The following ATXN2 variants were observed in gnomAD, a reference collection of about 807,000 sequenced individuals.
ATXN2 encodes ataxin-2.
A neutral mutation model predicts 138.6 loss-of-function variants in ATXN2; 37 were observed. That is an observed-to-expected ratio of 0.27 (90% confidence interval 0.21 to 0.35). The LOEUF is 0.35. ATXN2 is among the 10% of genes least tolerant of loss of function. The pLI is 1.00. For synonymous variants in ATXN2, 549 were observed against 543.7 expected (o/e 1.01, Z -0.13); for missense variants, 1,216 against 1,480.3 (o/e 0.82, Z 2.93).
At chr12:111,515,506 G>A (rs1879802554) in intron 10 of ATXN2, among the ~76,000 whole-genome samples, 1 of 152,084 alleles carries the variant, frequency 6.6e-6, no homozygotes, top group Non-Finnish European at 1.5e-5. Context: ...GAAAGAAATA[G>A]CTAAATATTC....
Position 111,456,180 on chromosome 12 carries a change from A to G in ATXN2, c.3119T>C (p.Leu1040Pro), listed in dbSNP as rs757482228. 1.1e-4 allele frequency: 170 copies of G among 1,614,118 alleles called. No individual in the cohort carries two copies. Among genetic ancestry groups the G allele is most frequent in the Non-Finnish European group, 1.4e-4 (165 of 1,180,052 alleles). The change falls in exon 23 of 25, where the codon CTT becomes CCT. Residue 1040 changes from leucine to proline, a missense_variant. Physicochemically the swap from Leu to Pro is moderately conservative, Grantham distance 98 (BLOSUM62 -3). Coordinates refer to ENST00000673436, the MANE Select transcript of ATXN2 (RefSeq NM_001372574.1). ...TGTCATGGAGGGTGGAGTTGGCGCAAGCCCCGCGTGGTAAATGGCTGACTG... is the reference window on the plus strand; with the variant it reads ...TGTCATGGAGGGTGGAGTTGGCGCAGGCCCCGCGTGGTAAATGGCTGACTG... The part of the protein sequence containing the change: ...QQQSAIYHAG[L>P]APTPPSMTPA...
chr12:111,457,975 C>G (rs1408719184), intron 21 of ATXN2: 1 of 152,228 alleles, frequency 6.6e-6, no homozygotes, highest in Non-Finnish European at 1.5e-5. Flanking sequence ...AGTAAACTCC[C>G]TTCTGAGTGC....
At chr12:111,543,602 T>A (rs1881650388) in intron 5 of ATXN2, among the ~76,000 whole-genome samples, 1 of 152,134 alleles carries the variant, frequency 6.6e-6, no homozygotes, top group Non-Finnish European at 1.5e-5. Context: ...CCAGGCTAAT[T>A]TTTTTTGTAA....
At chr12:111,585,858 T>C (rs1251618305) in intron 1 of ATXN2, among the ~76,000 whole-genome samples, 2 of 141,214 alleles carry the variant, frequency 1.4e-5, no homozygotes, top group Non-Finnish European at 3.1e-5. Context: ...CTTGTTGAGC[T>C]CTTGTGTCTG....
Position 111,510,444 on chromosome 12 carries a change from G to T in ATXN2, c.1697C>A (p.Ala566Asp). 1 of 1,614,186 alleles carries T rather than the reference G, an allele frequency of 6.2e-7. No homozygotes were observed. The highest frequency in any genetic ancestry group is 8.5e-7 in the Non-Finnish European group (1 of 1,180,038). Residue 566 changes from alanine (A) to aspartate (D), a missense_variant, in exon 12 of 25, where the codon GCT becomes GAT. Ala to Asp is a moderately radical substitution (Grantham distance 126, BLOSUM62 -2). Coordinates refer to ENST00000673436, the MANE Select transcript of ATXN2 (RefSeq NM_001372574.1). ...PTEAVAMPIP[A>D]ASPTPASPAS... is the part of the protein sequence containing the mutation. The stretch of plus-strand genomic sequence containing the variant: ...AGGACTAGCAGGCGTAGGAGATGCA[G>T]CTGGAATAGGCATGGCAACAGCTTC...
At chr12:111,470,411 G>A (rs991233704) in intron 19 of ATXN2, 147 bp downstream of exon 19, 21 of 1,143,714 alleles carry the variant, frequency 1.8e-5, no homozygotes, top group African/African-American at 1.1e-4. Context: ...AGTAACCTTC[G>A]AATATATATT....
chr12:111,472,599 C>T (rs1876491412), intron 18 of ATXN2, among the ~76,000 whole-genome samples: 2 of 152,134 alleles, frequency 1.3e-5, no homozygotes, highest in Non-Finnish European at 2.9e-5. Flanking sequence ...GACAGAGTGT[C>T]GCTCGGTTGC....
At position 111,462,853 on chromosome 12, in the gene ATXN2, T is replaced by C. The variant is rs1387397001; in HGVS notation, c.2896+1809A>G. On this transcript the variant is annotated intron_variant, in intron 21 of 24. Coordinates refer to ENST00000673436, the MANE Select transcript of ATXN2 (RefSeq NM_001372574.1). ...TTACACACTACAATCACAGACATAG[T>C]TTCCCCTTTAATAGTATATACATAC... Among the ~76,000 whole-genome samples, 5 of 152,072 alleles carry C rather than the reference T, an allele frequency of 3.3e-5. No individual in the cohort carries two copies. In the East Asian group the frequency reaches 9.6e-4, roughly 29 times the overall value.
intron 13 of ATXN2, 73 bp downstream of exon 13, chr12:111,509,818 C>G (rs1394392394): frequency 6.6e-6 from 8 of 1,203,892 alleles, no homozygotes. Flanking sequence ...CAAAAATATT[C>G]TGTATGGGCA....
chr12:111,452,701 A>G lies in ATXN2; in HGVS notation c.*111T>C. Reference sequence around the variant, plus strand: ...CTATTGGATGTTACAAGAAATCAACATATATATTTTAAAAACAAAATAAAT... The same window carrying G: ...CTATTGGATGTTACAAGAAATCAACGTATATATTTTAAAAACAAAATAAAT... On this transcript the variant is annotated 3_prime_UTR_variant, in exon 25 of 25. Coordinates refer to ENST00000673436, the MANE Select transcript of ATXN2 (RefSeq NM_001372574.1). The G allele has an allele frequency of 8.2e-7, 1 of 1,218,778 alleles. No individual in the cohort carries two copies. Among genetic ancestry groups the G allele is most frequent in the Non-Finnish European group, 1.2e-6 (1 of 825,984 alleles). 75.5% of individuals were successfully genotyped at this position (1,218,778 alleles called of 1,614,324 possible). A position where few individuals can be genotyped will look rare whatever the true frequency, so the allele number is the denominator to read the frequency against.
intron 2 of ATXN2, among the ~76,000 whole-genome samples, chr12:111,554,615 TA>T (rs1274929034): frequency 6.6e-6 from 1 of 151,990 alleles, no homozygotes. Context: ...AAACATGACA[TA>T]AAAAAGCAAG....
At chr12:111,576,091 A>G (rs1187634515) in intron 1 of ATXN2, among the ~76,000 whole-genome samples, 3 of 90,182 alleles carry the variant, frequency 3.3e-5, no homozygotes, top group East Asian at 3.7e-4. Flanking sequence ...TTAAAATAAC[A>G]TAACATAACA....
rs1402625256 is a variant in ATXN2, at chr12:111,488,633, C to CACTGGTACAGTTGCTGCTGCT, written c.2062_2082dup (p.Ser688_Ser694dup). On this transcript the variant is annotated inframe_insertion, in exon 15 of 25. Transcript: ENST00000673436. ...CTGGGGCTATTCGGCTTGCTGCTGC[C>CACTGGTACAGTTGCTGCTGCT]ACTGGTACAGTTGCTGCTGCTATTT... 4 of 1,614,012 alleles carry CACTGGTACAGTTGCTGCTGCT rather than the reference C, an allele frequency of 2.5e-6. No individual in the cohort carries two copies. The African/African-American group carries it at 5.3e-5, about 22-fold the overall frequency.
chr12:111,597,937 T>C, intron 1 of ATXN2: 1 of 1,257,078 alleles, frequency 8.0e-7, no homozygotes, highest in Non-Finnish European at 1.0e-6. Context: ...AGGCGCCTTC[T>C]CCACTGCGGC....
At chr12:111,586,392 T>G (rs1239199186) in intron 1 of ATXN2, among the ~76,000 whole-genome samples, 2 of 144,524 alleles carry the variant, frequency 1.4e-5, no homozygotes, top group Admixed American at 6.9e-5. Flanking sequence ...AGTCTGGTTT[T>G]TTTTTTTTTT....
intron 5 of ATXN2, among the ~76,000 whole-genome samples, chr12:111,550,162 A>AGCAAAAT (rs1277636351): frequency 6.6e-6 from 1 of 152,180 alleles, no homozygotes; most frequent in African/African-American, 2.4e-5. Context: ...TGTAATATAT[A>AGCAAAAT]GCAAAATACA....
intron 3 of ATXN2, 44 bp from the exon 4 acceptor site, chr12:111,553,021 C>T (rs372986285): frequency 2.1e-5 from 27 of 1,264,522 alleles, no homozygotes; most frequent in African/African-American, 1.1e-4. Context: ...GTATACTACC[C>T]GGTCACCAGG....
chr12:111,598,340 G>T lies in ATXN2; in HGVS notation c.251+444C>A, dbSNP rs555093611. 5.0e-6 allele frequency: 5 copies of T among 990,886 alleles called. No homozygotes were observed. The highest frequency in any genetic ancestry group is 2.4e-6 in the Non-Finnish European group (2 of 833,106). 61.4% of individuals were successfully genotyped at this position (990,886 alleles called of 1,614,324 possible). On this transcript the variant is annotated intron_variant, in intron 1 of 24. Transcript: ENST00000673436. This position sits in a 1 kb window ranked among gnomAD's most constrained non-coding sequence, Gnocchi z 4.5. ...TCCAGAGATGTCCCCCATGGAGGGG[G>T]ACATGTTCCGGAAAACGCCACCACA...
rs530421413 is a variant in ATXN2, at chr12:111,535,857, G to A, written c.572-10541C>T. ...CTACTAAAAATACAAAAAATTAGCCGGGCGTAGTGGCGGGCGCCTGTAGTC... is the reference window on the plus strand; with the variant it reads ...CTACTAAAAATACAAAAAATTAGCCAGGCGTAGTGGCGGGCGCCTGTAGTC... On this transcript the variant is annotated intron_variant, in intron 5 of 24. Transcript: ENST00000673436. Among the ~76,000 whole-genome samples the A allele has an allele frequency of 5.7e-3, 866 of 151,458 alleles. 9 individuals carry two copies. The highest frequency in any genetic ancestry group is 0.02 in the African/African-American group (809 of 41,180).
Sources: gnomAD v4.1 joint callset for allele counts (sites outside exome capture counted in the v4.1 genomes callset) on GRCh38, gnomAD v4.1.1 for gene constraint, Gnocchi (gnomAD v3.1) non-coding constraint, MANE v1.5 for transcripts, NCBI Gene and HGNC (gene_info 2026-07-23, HGNC 2026-07-21) for gene names.